The following TFCP2 variants were observed in gnomAD, a reference collection of about 807,000 sequenced individuals.
TFCP2 encodes alpha-globin transcription factor CP2.
A neutral mutation model predicts 73.4 loss-of-function variants in TFCP2; 33 were observed. The ratio of observed to expected loss-of-function variants is 0.45; its 90% CI spans 0.34 to 0.60. TFCP2 has a LOEUF of 0.60. Ranked by LOEUF, TFCP2 falls within the 20% of genes least tolerant of loss-of-function variation. The probability of loss-of-function intolerance (pLI) is 0.01; values close to 1 mark genes in which losing one functional copy is unlikely to be tolerated. For synonymous variants in TFCP2, 193 were observed against 211.6 expected (o/e 0.91, Z 0.76); for missense variants, 352 against 604.0 (o/e 0.58, Z 4.37).
At chr12:51,119,768 T>TA (rs1279541808) in intron 1 of TFCP2, among the ~76,000 whole-genome samples, 1 of 149,734 alleles carries the variant, frequency 6.7e-6, no homozygotes, top group Non-Finnish European at 1.5e-5. Context: ...AAAAATTAAT[T>TA]AAAAAAATTA....
intron 8 of TFCP2, 65 bp from the exon 9 acceptor site, chr12:51,104,268 C>T: frequency 7.3e-7 from 1 of 1,362,160 alleles, no homozygotes; most frequent in Non-Finnish European, 1.0e-6. Context: ...TATTTCATTC[C>T]TCAGCTTCAC....
At chr12:51,159,550 G>C (rs1247754736) in intron 1 of TFCP2, among the ~76,000 whole-genome samples, 1 of 151,958 alleles carries the variant, frequency 6.6e-6, no homozygotes, top group Non-Finnish European at 1.5e-5. Context: ...CATTGGCGAG[G>C]CTGGTCTCGA....
At chr12:51,104,507 AC>A (rs1270004353) in intron 8 of TFCP2, among the ~76,000 whole-genome samples, 1 of 152,264 alleles carries the variant, frequency 6.6e-6, no homozygotes. Context: ...AAAATATTTA[AC>A]CATAAATTTA....
rs527824255 is a variant in TFCP2, at chr12:51,095,058, A to G, written c.*183T>C. ...GCATATTGGGCAGTAATCTGTGTGT[A>G]CCACAAGAGCTTGGGCCAACACAGA... On this transcript the variant is annotated 3_prime_UTR_variant, in exon 15 of 15. Transcript: ENST00000257915. 2.3e-5 allele frequency: 16 copies of G among 687,718 alleles called. No homozygotes were observed. In the East Asian group the frequency reaches 4.0e-4, roughly 17 times the overall value. 42.6% of individuals were successfully genotyped at this position (687,718 alleles called of 1,614,324 possible).
intron 1 of TFCP2, chr12:51,125,393 C>T (rs112432562): frequency 1.1e-5 from 5 of 459,958 alleles, no homozygotes; most frequent in Non-Finnish European, 1.7e-5. Context: ...TGGACTCAAA[C>T]ACTTTGGCTG....
chr12:51,140,587 C>T (rs1941171546), intron 1 of TFCP2, among the ~76,000 whole-genome samples: 1 of 150,404 alleles, frequency 6.6e-6, no homozygotes, highest in African/African-American at 2.4e-5. Context: ...CACCTCGGCC[C>T]TCCCTTCTTT....
chr12:51,140,747 T>C (rs1941173916), intron 1 of TFCP2, among the ~76,000 whole-genome samples: 3 of 151,844 alleles, frequency 2.0e-5, no homozygotes, highest in Non-Finnish European at 4.4e-5. Flanking sequence ...GACACACTAC[T>C]GCAACCATCT....
At chr12:51,161,883 C>A (rs2956427) in intron 1 of TFCP2, among the ~76,000 whole-genome samples, 2 of 149,446 alleles carry the variant, frequency 1.3e-5, no homozygotes, top group African/African-American at 2.5e-5. Flanking sequence ...AAGGAAACCA[C>A]GAAAAACAAA....
Position 51,106,525 on chromosome 12 carries a change from C to A in TFCP2, c.917G>T (p.Gly306Val). ...AGCCAATTTTATTTCCCAGACTTAC[C>A]CTTCCCCAAGAGAAAAACTGCTATG... The part of the protein sequence containing the change: ...SSHSSFSLGE[G>V]NGSPNHQPEP... The change falls in exon 8 of 15, where the codon GGA becomes GTA. Residue 306 changes from glycine (G) to valine (V), a missense_variant and splice_region_variant. By Grantham distance (109) the Gly-to-Val change is moderately radical. Around this residue, in one of 6 missense-constraint regions of TFCP2, gnomAD observed 194 missense variants for 256.3 expected, o/e 0.76. Transcript: ENST00000257915. 6.2e-7 allele frequency: 1 copy of A among 1,609,984 alleles called. No individual in the cohort carries two copies. The highest frequency in any genetic ancestry group is 8.5e-7 in the Non-Finnish European group (1 of 1,178,190).
chr12:51,107,232 T>C lies in TFCP2; in HGVS notation c.828+4A>G. On this transcript the variant is annotated splice_donor_region_variant and intron_variant, in intron 7 of 14. Coordinates refer to ENST00000257915, the MANE Select transcript of TFCP2 (RefSeq NM_005653.5). ...GAAATTGTCACCAAAAGAAATCTTTTTACCTCTGTGAGTATGGTTGTCTCA... is the reference window on the plus strand; with the variant it reads ...GAAATTGTCACCAAAAGAAATCTTTCTACCTCTGTGAGTATGGTTGTCTCA... 3 of 1,582,142 alleles carry C rather than the reference T, an allele frequency of 1.9e-6. No individual in the cohort carries two copies. Among genetic ancestry groups the C allele is most frequent in the Non-Finnish European group, 2.6e-6 (3 of 1,168,586 alleles).
intron 1 of TFCP2, among the ~76,000 whole-genome samples, chr12:51,150,977 GAGGGGGTAAAGAAAGCA>G: frequency 6.6e-6 from 1 of 152,284 alleles, no homozygotes; most frequent in South Asian, 2.1e-4. Flanking sequence ...AAATAAAGCA[GAGGGGGTAAAGAAAGCA>G]AGGAGTGCTG....
chr12:51,165,689 T>C (rs1212923128), intron 1 of TFCP2, among the ~76,000 whole-genome samples: 1 of 152,192 alleles, frequency 6.6e-6, no homozygotes, highest in African/African-American at 2.4e-5. Flanking sequence ...GTGACAGTTG[T>C]ACAACAACGT....
intron 1 of TFCP2, among the ~76,000 whole-genome samples, chr12:51,171,366 G>T (rs1232027385): frequency 6.6e-6 from 1 of 152,108 alleles, no homozygotes; most frequent in Non-Finnish European, 1.5e-5. Context: ...TGCTTTCAAA[G>T]GAGTTTTTGT....
At chr12:51,153,713 A>G (rs571411959) in intron 1 of TFCP2, among the ~76,000 whole-genome samples, 4 of 152,296 alleles carry the variant, frequency 2.6e-5, no homozygotes, top group Non-Finnish European at 5.9e-5. Context: ...TCCATATTAT[A>G]TTACACATCA....
At chr12:51,128,101 T>C (rs1940852388) in intron 1 of TFCP2, among the ~76,000 whole-genome samples, 1 of 151,894 alleles carries the variant, frequency 6.6e-6, no homozygotes, top group East Asian at 1.9e-4. Flanking sequence ...TGTATTTTAG[T>C]AGAGATGGGG....
intron 1 of TFCP2, among the ~76,000 whole-genome samples, chr12:51,152,660 A>C (rs2730650): frequency 0.59 from 89,974 of 152,072 alleles, 27,430 homozygotes; most frequent in Non-Finnish European, 0.68. Context: ...ATTCTGAGAA[A>C]GAGAAGGATA....
chr12:51,132,357 CTTTTTTTTTTTT>C lies in TFCP2; in HGVS notation c.123-13597_123-13586del, dbSNP rs869123355. Among the ~76,000 whole-genome samples the C allele has an allele frequency of 2.1e-3, 132 of 61,794 alleles. 3 individuals are homozygous for C. Among genetic ancestry groups the C allele is most frequent in the Admixed American group, 5.7e-3 (21 of 3,676 alleles). The allele number at this position is 61,794 out of a possible 152,430, so 40.5% of individuals were successfully genotyped here. On this transcript the variant is annotated intron_variant, in intron 1 of 14. Coordinates refer to ENST00000257915, the MANE Select transcript of TFCP2 (RefSeq NM_005653.5). ...TGCAAGTTCTGGTTTAGGGATTAGT[CTTTTTTTTTTTT>C]TTTTTTTTTTTTTTTTTTAGACAGA...
At chr12:51,106,690 T>C (rs1017751200) in intron 7 of TFCP2, 77 bp from the exon 8 acceptor site, 2 of 1,086,568 alleles carry the variant, frequency 1.8e-6, no homozygotes, top group Non-Finnish European at 2.8e-6. Context: ...GTTACTTGAA[T>C]AGCACATCTT....
chr12:51,168,094 TA>T (rs35503389), intron 1 of TFCP2, among the ~76,000 whole-genome samples: 126,606 of 151,332 alleles, frequency 0.84, 53,255 homozygotes, highest in Non-Finnish European at 0.89. Context: ...AAATTAAAAT[TA>T]AAAAAAAATA....
Sources: allele counts gnomAD v4.1 joint callset (sites outside exome capture counted in the v4.1 genomes callset), GRCh38; gene constraint gnomAD v4.1.1; regional missense constraint gnomAD v4.1.1; transcripts MANE v1.5; gene names NCBI Gene and HGNC (gene_info 2026-07-23, HGNC 2026-07-21).